TCP11: variants seen among roughly 807,000 people sequenced by gnomAD.
TCP11 encodes T-complex protein 11 homolog.
Under a neutral mutation model 45.0 loss-of-function variants are expected in TCP11, and 34 were observed. The observed-to-expected ratio is 0.76, with a 90% CI of 0.57 to 1.01. The LOEUF is 1.01. Ranked by LOEUF, TCP11 falls within the 50% of genes least tolerant of loss-of-function variation. The probability of loss-of-function intolerance (pLI) is 0.00; values close to 1 mark genes in which losing one functional copy is unlikely to be tolerated. For synonymous variants in TCP11, 227 were observed against 227.0 expected (o/e 1.00, Z 0.00); for missense variants, 523 against 598.1 (o/e 0.87, Z 1.31).
chr6:35,138,358 G>A (rs1781343409), intron 2 of TCP11, among the ~76,000 whole-genome samples: 2 of 152,118 alleles, frequency 1.3e-5, no homozygotes, highest in Admixed American at 1.3e-4. Context: ...CAGACAAATG[G>A]TAGATATACA....
chr6:35,140,032 G>A, intron 2 of TCP11: 1 of 1,614,060 alleles, frequency 6.2e-7, no homozygotes, highest in African/African-American at 1.3e-5. Context: ...CAGGTTCATA[G>A]CTGTTGGAAA....
intron 2 of TCP11, among the ~76,000 whole-genome samples, chr6:35,138,665 A>G (rs1781383243): frequency 6.6e-6 from 1 of 152,240 alleles, no homozygotes; most frequent in Non-Finnish European, 1.5e-5. Context: ...AATAAGATCT[A>G]GTATTTGAGA....
At position 35,122,462 on chromosome 6, in the gene TCP11, AAAT is replaced by A. The variant is rs559973609; in HGVS notation, c.358-128_358-126del. On this transcript the variant is annotated intron_variant, in intron 4 of 9. Coordinates refer to ENST00000311875, the MANE Select transcript of TCP11 (RefSeq NM_001370687.1). ...TTAAGGATCAAGAAGTTGGGTCCCT[AAAT>A]TTCCCATGGAATATTATTTATCTTT... The A allele has an allele frequency of 8.7e-4, 693 of 796,274 alleles. 4 individuals are homozygous for A. The African/African-American group carries it at 0.01, about 12-fold the overall frequency. 49.3% of individuals were successfully genotyped at this position (796,274 alleles called of 1,614,324 possible).
intron 4 of TCP11, among the ~76,000 whole-genome samples, chr6:35,124,907 G>T (rs1034872642): frequency 6.6e-6 from 1 of 151,196 alleles, no homozygotes; most frequent in African/African-American, 2.4e-5. Flanking sequence ...AATTCAAAAT[G>T]GTAGTGGCTC....
intron 2 of TCP11, chr6:35,140,035 G>T (rs1392264816): frequency 6.2e-7 from 1 of 1,614,074 alleles, no homozygotes; most frequent in Admixed American, 1.7e-5. Flanking sequence ...GTTCATAGCT[G>T]TTGGAAATGA....
At position 35,120,220 on chromosome 6, in the gene TCP11, G is replaced by T. The variant is rs372743324; in HGVS notation, c.1054C>A (p.Pro352Thr). The change falls in exon 8 of 10, where the codon CCC becomes ACC. Residue 352 changes from proline to threonine, a missense_variant. Pro to Thr is a conservative substitution (Grantham distance 38). This residue lies in a region of TCP11 where 298 missense variants were observed against 387.9 expected (regional missense o/e 0.77). Transcript: ENST00000311875. The surrounding 1 kb of genome is among the most constrained non-coding windows in gnomAD (Gnocchi z 4.9). Reference protein sequence around the residue: ...SFSGSVLFGSPQFVDKLKRIT... With the variant: ...SFSGSVLFGSTQFVDKLKRIT... ...CGTTTCAGTTTATCTACAAATTGGG[G>T]TGAGCCAAACAAAACACTGCCGGAG... 2.5e-6 allele frequency: 4 copies of T among 1,614,086 alleles called. No individual in the cohort carries two copies. In the Admixed American group the frequency reaches 6.7e-5, roughly 27 times the overall value.
intron 3 of TCP11, among the ~76,000 whole-genome samples, chr6:35,134,821 G>A (rs1273997056): frequency 6.6e-6 from 1 of 152,108 alleles, no homozygotes; most frequent in East Asian, 1.9e-4. Context: ...CCTTGAGGGT[G>A]GGCAGGATGT....
At position 35,129,105 on chromosome 6, in the gene TCP11, G is replaced by A. The variant is rs1780134407; in HGVS notation, c.314C>T (p.Pro105Leu). 2 of 1,613,942 alleles carry A rather than the reference G, an allele frequency of 1.2e-6. No individual in the cohort carries two copies. Among genetic ancestry groups the A allele is most frequent in the South Asian group, 2.2e-5 (2 of 91,060 alleles). The change falls in exon 4 of 10, where the codon CCT (proline) becomes CTT (leucine). Residue 105 changes from proline to leucine, a missense_variant. Physicochemically the swap from Pro to Leu is moderately conservative, Grantham distance 98 (BLOSUM62 -3). Around this residue, in one of 2 missense-constraint regions of TCP11, gnomAD observed 225 missense variants for 210.2 expected, o/e 1.07. Transcript: ENST00000311875. ...AAGTTCAAGAGCACAGCTGAAGTCA[G>A]GGGGAGTTGCTGATAGTTGCTCTTT... ...HLKEQLSATP[P>L]DFSCALELLK...
intron 4 of TCP11, among the ~76,000 whole-genome samples, chr6:35,126,894 G>A (rs1484564114): frequency 6.6e-6 from 1 of 152,002 alleles, no homozygotes; most frequent in Admixed American, 6.6e-5. Flanking sequence ...CTAGACTCAA[G>A]CATTCTGCCC....
At position 35,140,171 on chromosome 6, in the gene TCP11, T is replaced by C. The variant is rs1781561423; in HGVS notation, c.124+576A>G. Reference sequence around the variant, plus strand: ...TTCGCATTTCAATAGTCAAGAATTTTATCTTGAGTTGTTGCACACGGACAG... The same window carrying C: ...TTCGCATTTCAATAGTCAAGAATTTCATCTTGAGTTGTTGCACACGGACAG... On this transcript the variant is annotated intron_variant, in intron 2 of 9. Transcript: ENST00000311875. 3 of 1,588,452 alleles carry C rather than the reference T, an allele frequency of 1.9e-6. No individual in the cohort carries two copies. In the African/African-American group the frequency reaches 4.0e-5, roughly 21 times the overall value.
intron 4 of TCP11, 86 bp downstream of exon 4, chr6:35,128,976 G>A: frequency 6.5e-7 from 1 of 1,528,122 alleles, no homozygotes; most frequent in South Asian, 1.3e-5. Context: ...CATGGACCAT[G>A]TTCAGTTAAG....
chr6:35,122,036 T>C, intron 5 of TCP11, 81 bp downstream of exon 5: 1 of 1,354,010 alleles, frequency 7.4e-7, no homozygotes, highest in Non-Finnish European at 1.1e-6. Flanking sequence ...GTCAAGACGA[T>C]GGCTATAATC....
At chr6:35,134,782 T>C (rs910608879) in intron 3 of TCP11, among the ~76,000 whole-genome samples, 3 of 152,220 alleles carry the variant, frequency 2.0e-5, no homozygotes, top group Admixed American at 6.5e-5. Flanking sequence ...AAGGGCCAAC[T>C]GTATTCACAT....
intron 2 of TCP11, chr6:35,140,009 T>G (rs750734901): frequency 6.2e-7 from 1 of 1,613,904 alleles, no homozygotes; most frequent in Non-Finnish European, 8.5e-7. Context: ...AAAACGGATT[T>G]TTCATCCTAC....
intron 2 of TCP11, among the ~76,000 whole-genome samples, chr6:35,137,463 GA>G (rs937164332): frequency 1.4e-5 from 2 of 146,398 alleles, no homozygotes; most frequent in Middle Eastern, 3.2e-3. Context: ...CTTAACCTCT[GA>G]AAAAAACCAG....
chr6:35,123,726 A>G (rs1223327996), intron 4 of TCP11, among the ~76,000 whole-genome samples: 1 of 140,160 alleles, frequency 7.1e-6, no homozygotes, highest in Non-Finnish European at 1.5e-5. Flanking sequence ...GTCTCAATCT[A>G]TCCTCCTGCC....
chr6:35,121,181 C>T, intron 5 of TCP11, 136 bp from the exon 6 acceptor site: 1 of 1,044,678 alleles, frequency 9.6e-7, no homozygotes. Flanking sequence ...CAGAAGATAA[C>T]ATGTGGCCCA....
At chr6:35,138,826 G>A (rs1781405263) in intron 2 of TCP11, among the ~76,000 whole-genome samples, 1 of 152,306 alleles carries the variant, frequency 6.6e-6, no homozygotes, top group Non-Finnish European at 1.5e-5. Context: ...TTGTATGCCT[G>A]TATCAAAATA....
chr6:35,133,156 G>T (rs1780643742), intron 3 of TCP11, among the ~76,000 whole-genome samples: 1 of 151,978 alleles, frequency 6.6e-6, no homozygotes, highest in African/African-American at 2.4e-5. Context: ...TCTTTTCTCA[G>T]CCTCATCTGT....
Sources: gnomAD v4.1 joint callset for allele counts (sites outside exome capture counted in the v4.1 genomes callset) on GRCh38, gnomAD v4.1.1 for gene constraint, gnomAD v4.1.1 regional missense constraint, Gnocchi (gnomAD v3.1) non-coding constraint, MANE v1.5 for transcripts, NCBI Gene and HGNC (gene_info 2026-07-23, HGNC 2026-07-21) for gene names.